The following CTC1 variants were observed in gnomAD, a reference collection of about 807,000 sequenced individuals.
CTC1 encodes CST complex subunit CTC1.
CTC1 carries 91 observed loss-of-function variants against 136.3 expected under a neutral mutation model. That is an observed-to-expected ratio of 0.67 (90% CI 0.56 to 0.79). The LOEUF (loss-of-function observed/expected upper bound fraction) is 0.79. Among genes scored for constraint, CTC1 ranks in the 30% least tolerant of loss-of-function variants. The pLI is 0.00. For synonymous variants in CTC1, 606 were observed against 613.8 expected, an observed-to-expected ratio of 0.99 and a Z score of 0.19; for missense variants, 1,432 against 1,498.1, an observed-to-expected ratio of 0.96 and a Z score of 0.73.
Position 8,232,214 on chromosome 17 carries a change from A to G in CTC1, c.2074T>C (p.Phe692Leu). ...AGGATCAGGGCATCAGCCAGAAAGA[A>G]CTGGACATAGACTCTGTTGGGAGAG... is the stretch of plus-strand genomic sequence containing the variant. ...QKQQARVYVQ[F>L]FLADALILPV... The change falls in exon 13 of 23, where the codon TTC becomes CTC. Residue 692 changes from phenylalanine to leucine, a missense_variant. Coordinates refer to ENST00000651323, the MANE Select transcript of CTC1 (RefSeq NM_025099.6). 1 of 1,528,758 alleles carries G rather than the reference A, an allele frequency of 6.5e-7. No homozygotes were observed. Among genetic ancestry groups the G allele is most frequent in the Non-Finnish European group, 8.8e-7 (1 of 1,141,440 alleles). The allele number at this position is 1,528,758 out of a possible 1,614,324, so 94.7% of individuals were successfully genotyped here.
chr17:8,230,939 C>A, intron 15 of CTC1: 1 of 488,344 alleles, frequency 2.0e-6, no homozygotes, highest in Non-Finnish European at 3.7e-6. Flanking sequence ...GAACTCAAGA[C>A]CAGCCTGGCC....
chr17:8,243,722 G>A (rs375710912), intron 1 of CTC1, among the ~76,000 whole-genome samples: 3 of 152,128 alleles, frequency 2.0e-5, no homozygotes, highest in African/African-American at 7.2e-5. Flanking sequence ...AAGTCAGTAC[G>A]TTGAAGACCA....
intron 2 of CTC1, among the ~76,000 whole-genome samples, chr17:8,242,726 C>T (rs1362535673): frequency 6.6e-6 from 1 of 151,752 alleles, no homozygotes; most frequent in African/African-American, 2.4e-5. Flanking sequence ...TTCCCCACTT[C>T]GAGAGTTCTT....
rs1205553956 is a variant in CTC1 at position 8,228,625 on chromosome 17, G to A, written c.3392C>T (p.Ser1131Leu). 1 of 1,614,084 alleles carries A rather than the reference G, an allele frequency of 6.2e-7. No individual in the cohort carries two copies. Among genetic ancestry groups the A allele is most frequent in the Admixed American group, 1.7e-5 (1 of 60,006 alleles). ...FAGPGAQLES[S>L]ARVDEPMTMF... ...GGTCATGGGCTCGTCAACCCTGGCTGAAGACTAGAAAGAGAAGGTCAAGGT... is the reference window on the plus strand; with the variant it reads ...GGTCATGGGCTCGTCAACCCTGGCTAAAGACTAGAAAGAGAAGGTCAAGGT... The change falls in exon 22 of 23, where the codon TCA becomes TTA. Residue 1131 changes from serine (S) to leucine (L), a missense_variant. Physicochemically the swap from Ser to Leu is moderately radical, Grantham distance 145. Transcript: ENST00000651323.
At chr17:8,229,989 G>C in intron 17 of CTC1, 21 bp from the exon 18 acceptor site, 2 of 1,611,912 alleles carry the variant, frequency 1.2e-6, no homozygotes, top group African/African-American at 1.3e-5. Flanking sequence ...AAGAGGAATA[G>C]TGAGTGACCA....
Position 8,226,976 on chromosome 17 carries a change from A to G in CTC1, c.*1204T>C, listed in dbSNP as rs886053602. Reference sequence around the variant, plus strand: ...GGGTCAGAAAACAAAACACACACAAAAAAAAGCCACCCACTGGCCCGTACG... The same window carrying G: ...GGGTCAGAAAACAAAACACACACAAGAAAAAGCCACCCACTGGCCCGTACG... On this transcript the variant is annotated 3_prime_UTR_variant, in exon 23 of 23. Transcript: ENST00000651323. 2 of 152,420 alleles carry G rather than the reference A, an allele frequency of 1.3e-5. No individual in the cohort carries two copies. Among genetic ancestry groups the G allele is most frequent in the South Asian group, 2.0e-4 (1 of 5,128 alleles). The allele number at this position is 152,420 out of a possible 1,614,324, so 9.4% of individuals were successfully genotyped here.
In CTC1 at chr17:8,240,904, ATGT is replaced by A. The variant is rs375340781; in HGVS notation, c.197+2078_197+2080del. Among the ~76,000 whole-genome samples the A allele has an allele frequency of 3.4e-3, 511 of 152,324 alleles. 3 individuals carry two copies. The highest frequency in any genetic ancestry group is 0.012 in the African/African-American group (489 of 41,586). On this transcript the variant is annotated intron_variant, in intron 2 of 22. Coordinates refer to ENST00000651323, the MANE Select transcript of CTC1 (RefSeq NM_025099.6). ...AAAAAAAGAAATTACTTTGGAATTA[ATGT>A]AACAAAATATCATTTAATGCCTACC...
Position 8,232,229 on chromosome 17 carries a change from T to G in CTC1, c.2061-2A>C. On this transcript the variant is annotated splice_acceptor_variant, in intron 12 of 22. Transcript: ENST00000651323. LOFTEE classifies it high-confidence loss of function. ...GCCAGAAAGAACTGGACATAGACTCTGTTGGGAGAGACAAGGAATACATTT... is the reference window on the plus strand; with the variant it reads ...GCCAGAAAGAACTGGACATAGACTCGGTTGGGAGAGACAAGGAATACATTT... 1 of 1,535,656 alleles carries G rather than the reference T, an allele frequency of 6.5e-7. No individual in the cohort carries two copies.
At position 8,225,270 on chromosome 17, in the gene CTC1, G is replaced by A. The variant is rs1052903170; in HGVS notation, c.*2910C>T. 6.6e-6 allele frequency: 1 copy of A among 152,252 alleles called. No individual in the cohort carries two copies. The highest frequency in any genetic ancestry group is 1.5e-5 in the Non-Finnish European group (1 of 68,078). The allele number at this position is 152,252 out of a possible 1,614,324, so 9.4% of individuals were successfully genotyped here. ...TTACAGTGCCGTTAGTGCTGAAAGG[G>A]GAACGTGCCTTGTTCATTTGGTTCT... On this transcript the variant is annotated 3_prime_UTR_variant, in exon 23 of 23. Transcript: ENST00000651323.
At chr17:8,245,002 G>A (rs1988559568) in intron 1 of CTC1, among the ~76,000 whole-genome samples, 1 of 152,160 alleles carries the variant, frequency 6.6e-6, no homozygotes, top group Non-Finnish European at 1.5e-5. Flanking sequence ...GCTACAACAT[G>A]GATGCAGTTG....
In CTC1 at chr17:8,231,746, G is replaced by C. The variant is rs1987247828; in HGVS notation, c.2455C>G (p.Leu819Val). 6.2e-7 allele frequency: 1 copy of C among 1,613,990 alleles called. No individual in the cohort carries two copies. The highest frequency in any genetic ancestry group is 8.5e-7 in the Non-Finnish European group (1 of 1,179,954). Residue 819 changes from leucine (L) to valine (V), a missense_variant, in exon 14 of 23, where the codon CTC becomes GTC. Coordinates refer to ENST00000651323, the MANE Select transcript of CTC1 (RefSeq NM_025099.6). Reference sequence around the variant, plus strand: ...CTCACAGCGGGGCCAGGAGCTATGAGTCGGTACACCTGTCCCGGGTGCAAG... The same window carrying C: ...CTCACAGCGGGGCCAGGAGCTATGACTCGGTACACCTGTCCCGGGTGCAAG... Reference protein sequence around the residue: ...EFLHPGQVYRLIAPGPATPML... With the variant: ...EFLHPGQVYRVIAPGPATPML...
rs376216833 is a variant in CTC1, at chr17:8,230,399, G to A, written c.2828C>T (p.Pro943Leu). 4.0e-5 allele frequency: 64 copies of A among 1,614,110 alleles called. No individual in the cohort carries two copies. In the African/African-American group the frequency reaches 8.0e-4, roughly 20 times the overall value. The stretch of plus-strand genomic sequence containing the variant: ...TTCTATATATACATCCAGGTGAGGG[G>A]GGAATTCACATTCAGCAGTCTCAAG... ...VALETAECEF[P>L]PHLDVYIEDP... Residue 943 changes from proline to leucine, a missense_variant, in exon 17 of 23, where the codon CCC (proline) becomes CTC (leucine). Transcript: ENST00000651323.
chr17:8,225,753 C>T lies in CTC1; in HGVS notation c.*2427G>A, dbSNP rs1442810772. On this transcript the variant is annotated 3_prime_UTR_variant, in exon 23 of 23. Transcript: ENST00000651323. The stretch of plus-strand genomic sequence containing the variant: ...GATGGAGGTAACTGCAAGTGAAAGA[C>T]CAGTTAGAGGACCGCATCTGGAAGC... 1.3e-5 allele frequency: 2 copies of T among 152,022 alleles called. No homozygotes were observed. Among genetic ancestry groups the T allele is most frequent in the Admixed American group, 1.3e-4 (2 of 15,258 alleles). 9.4% of individuals were successfully genotyped at this position (152,022 alleles called of 1,614,324 possible). A position where few individuals can be genotyped will look rare whatever the true frequency, so the allele number is the denominator to read the frequency against.
chr17:8,227,923 G>T lies in CTC1; in HGVS notation c.*257C>A. On this transcript the variant is annotated 3_prime_UTR_variant, in exon 23 of 23. Transcript: ENST00000651323. ...GCTCCTGCGACAAAGTCAGAACCCA[G>T]GTGCTCAGGGCCGCCTGTGAATGCA... 1 of 402,010 alleles carries T rather than the reference G, an allele frequency of 2.5e-6. No individual in the cohort carries two copies. Among genetic ancestry groups the T allele is most frequent in the Non-Finnish European group, 4.6e-6 (1 of 218,250 alleles). The allele number at this position is 402,010 out of a possible 1,614,324, so 24.9% of individuals were successfully genotyped here.
At position 8,232,720 on chromosome 17, in the gene CTC1, A is replaced by C. The variant is rs1987350956; in HGVS notation, c.1945+186T>G. 6.4e-6 allele frequency: 5 copies of C among 780,104 alleles called. No homozygotes were observed. The Admixed American group carries it at 9.4e-5, about 15-fold the overall frequency. 48.3% of individuals were successfully genotyped at this position (780,104 alleles called of 1,614,324 possible). A position where few individuals can be genotyped will look rare whatever the true frequency, so the allele number is the denominator to read the frequency against. On this transcript the variant is annotated intron_variant, in intron 11 of 22. Transcript: ENST00000651323. ...GCTACGGTGGAGAAATGCATGCTGG[A>C]AATTCTGGCTAGGGGTCCTCTTGCT...
chr17:8,231,725 C>G lies in CTC1; in HGVS notation c.2475+1G>C, dbSNP rs1007646018. 6.2e-7 allele frequency: 1 copy of G among 1,613,530 alleles called. No homozygotes were observed. Among genetic ancestry groups the G allele is most frequent in the Non-Finnish European group, 8.5e-7 (1 of 1,179,548 alleles). ...AAGGTATGATGAAGTAGGACACTCACAGCGGGGCCAGGAGCTATGAGTCGG... is the reference window on the plus strand; with the variant it reads ...AAGGTATGATGAAGTAGGACACTCAGAGCGGGGCCAGGAGCTATGAGTCGG... On this transcript the variant is annotated splice_donor_variant, in intron 14 of 22. Transcript: ENST00000651323. LOFTEE classifies it high-confidence loss of function.
At position 8,228,735 on chromosome 17, in the gene CTC1, G is replaced by A; in HGVS notation, c.3379C>T (p.Gln1127Ter). The stretch of plus-strand genomic sequence containing the variant: ...TCCCAGCCACATTACACCTCAAGTT[G>A]GGCTCCAGGCCCTGCAAACTGCAAG... ...VVLQFAGPGAQLESSARVDEP... is the reference protein window; with the variant it reads ...VVLQFAGPGA Residue 1127 changes from glutamine (Q) to a stop codon, truncating the protein, a stop_gained, in exon 21 of 23, where the codon CAA becomes TAA. Transcript: ENST00000651323. LOFTEE classifies it high-confidence loss of function. The A allele has an allele frequency of 6.2e-7, 1 of 1,614,000 alleles. No homozygotes were observed. The highest frequency in any genetic ancestry group is 1.1e-5 in the South Asian group (1 of 91,072).
chr17:8,239,830 A>G (rs192127851), intron 2 of CTC1, among the ~76,000 whole-genome samples: 2 of 152,338 alleles, frequency 1.3e-5, no homozygotes, highest in East Asian at 3.9e-4. Flanking sequence ...TCAAAGAGAG[A>G]GAATGCTGTT....
intron 2 of CTC1, among the ~76,000 whole-genome samples, chr17:8,242,036 TA>T (rs200674891): frequency 3.7e-4 from 41 of 109,846 alleles, no homozygotes; most frequent in Admixed American, 1.9e-3. Context: ...TTATTATTAT[TA>T]TTTTTTTTTA....
Sources: gnomAD v4.1 joint callset for allele counts (sites outside exome capture counted in the v4.1 genomes callset) on GRCh38, gnomAD v4.1.1 for gene constraint, MANE v1.5 for transcripts, NCBI Gene and HGNC (gene_info 2026-07-23, HGNC 2026-07-21) for gene names.